The following MCTP2 variants were observed in gnomAD, a reference collection of about 807,000 sequenced individuals.
The protein encoded by MCTP2 is multiple C2 and transmembrane domain-containing protein 2.
MCTP2 carries 132 observed loss-of-function variants against 111.6 expected under a neutral mutation model. The observed-to-expected ratio is 1.18, with a 90% CI of 1.03 to 1.37. MCTP2 has a LOEUF of 1.37. Ranked by LOEUF, MCTP2 falls within the 40% of genes most tolerant of loss-of-function variation. MCTP2 has a pLI of 0.00. For synonymous variants in MCTP2, 395 were observed against 387.7 expected (o/e 1.02, Z -0.22); for missense variants, 1,183 against 1,067.9 (o/e 1.11, Z -1.50).
At chr15:94,448,231 G>C (rs968705539) in intron 19 of MCTP2, among the ~76,000 whole-genome samples, 12 of 152,118 alleles carry the variant, frequency 7.9e-5, no homozygotes, top group African/African-American at 2.9e-4. Context: ...TATCAGTCTG[G>C]CCTTCTGGAA....
intron 1 of MCTP2, among the ~76,000 whole-genome samples, chr15:94,281,121 T>C (rs1251457704): frequency 6.6e-6 from 1 of 152,158 alleles, no homozygotes; most frequent in Non-Finnish European, 1.5e-5. Context: ...CAAATATCTT[T>C]CTTAGTTTGG....
chr15:94,435,518 G>A (rs1006752263), intron 17 of MCTP2, among the ~76,000 whole-genome samples: 4 of 151,326 alleles, frequency 2.6e-5, no homozygotes, highest in Non-Finnish European at 4.4e-5. Context: ...TTTATACCAT[G>A]GACTTTGCTG....
intron 4 of MCTP2, among the ~76,000 whole-genome samples, chr15:94,322,171 T>C (rs552644944): frequency 6.6e-6 from 1 of 152,208 alleles, no homozygotes; most frequent in Non-Finnish European, 1.5e-5. Context: ...AAAACACGGA[T>C]CTAATTAATC....
intron 12 of MCTP2, among the ~76,000 whole-genome samples, chr15:94,379,544 A>G (rs985646232): frequency 6.6e-6 from 1 of 151,682 alleles, no homozygotes. Flanking sequence ...TATTGTATTG[A>G]CAGTCTAGGG....
chr15:94,253,334 C>G (rs930988532), intron 1 of MCTP2, among the ~76,000 whole-genome samples: 1 of 152,130 alleles, frequency 6.6e-6, no homozygotes, highest in African/African-American at 2.4e-5. Flanking sequence ...ATGGCTCTTG[C>G]TCCTCTTTCC....
chr15:94,232,985 T>C (rs8028795), intron 1 of MCTP2, among the ~76,000 whole-genome samples: 22,927 of 152,166 alleles, frequency 0.15, 1,920 homozygotes, highest in African/African-American at 0.22. Flanking sequence ...AGGAGTCCAG[T>C]AATTTGTACA....
chr15:94,396,249 G>A (rs532312803), intron 14 of MCTP2, among the ~76,000 whole-genome samples: 4 of 152,242 alleles, frequency 2.6e-5, no homozygotes, highest in Admixed American at 2.6e-4. Context: ...TAAATTGAAA[G>A]CTGTATTTTT....
chr15:94,396,763 G>A (rs746833729), intron 14 of MCTP2, among the ~76,000 whole-genome samples: 15 of 151,998 alleles, frequency 9.9e-5, no homozygotes, highest in Non-Finnish European at 1.9e-4. Context: ...AAAAGTGGAA[G>A]CAACTAAATG....
intron 19 of MCTP2, among the ~76,000 whole-genome samples, chr15:94,455,014 G>T (rs2084724754): frequency 6.6e-6 from 1 of 152,142 alleles, no homozygotes; most frequent in Non-Finnish European, 1.5e-5. Flanking sequence ...TAGAGACGGG[G>T]TTTTACCATG....
chr15:94,351,933 A>G (rs1278310368), intron 8 of MCTP2, among the ~76,000 whole-genome samples: 1 of 152,144 alleles, frequency 6.6e-6, no homozygotes, highest in African/African-American at 2.4e-5. Flanking sequence ...TGGGACAGAT[A>G]AGAGGCACCA....
chr15:94,432,161 AGTTTAGTAAG>A (rs1202408198), intron 17 of MCTP2, among the ~76,000 whole-genome samples: 1 of 151,994 alleles, frequency 6.6e-6, no homozygotes, highest in African/African-American at 2.4e-5. Context: ...TTAACCCAGG[AGTTTAGTAAG>A]GTTGGAGAGT....
intron 21 of MCTP2, among the ~76,000 whole-genome samples, chr15:94,472,420 T>C (rs1213736479): frequency 6.6e-6 from 1 of 152,144 alleles, no homozygotes; most frequent in Non-Finnish European, 1.5e-5. Flanking sequence ...AAATACTCTA[T>C]TTTCTCATTT....
At chr15:94,308,975 T>A (rs1336343782) in intron 2 of MCTP2, among the ~76,000 whole-genome samples, 1 of 152,206 alleles carries the variant, frequency 6.6e-6, no homozygotes, top group Non-Finnish European at 1.5e-5. Flanking sequence ...GATTAGACAG[T>A]CAATACAGCA....
intron 20 of MCTP2, among the ~76,000 whole-genome samples, chr15:94,465,608 C>G (rs2073208385): frequency 6.6e-6 from 1 of 152,204 alleles, no homozygotes; most frequent in Non-Finnish European, 1.5e-5. Flanking sequence ...CTGTACTTTT[C>G]TTTCAACCTG....
In MCTP2 at chr15:94,313,554, A is replaced by T. The variant is rs192131818; in HGVS notation, c.466-728A>T. ...TATCTCTACTAAAAATACAAAAATT[A>T]TCCAGGCGTTGTTACAGGTGCCTGT... is the stretch of plus-strand genomic sequence containing the variant. On this transcript the variant is annotated intron_variant, in intron 2 of 22. Transcript: ENST00000357742. 1.6e-3 allele frequency among the ~76,000 whole-genome samples: 247 copies of T among 152,190 alleles called. 3 individuals carry two copies. The highest frequency in any genetic ancestry group is 5.7e-3 in the African/African-American group (236 of 41,516).
chr15:94,302,962 A>G (rs1218009642), intron 2 of MCTP2, among the ~76,000 whole-genome samples: 1 of 151,538 alleles, frequency 6.6e-6, no homozygotes, highest in African/African-American at 2.4e-5. Context: ...GGCAAGGAGG[A>G]GCAAGTCATG....
At chr15:94,410,535 G>A (rs1284048329) in intron 17 of MCTP2, among the ~76,000 whole-genome samples, 3 of 150,486 alleles carry the variant, frequency 2.0e-5, no homozygotes, top group Non-Finnish European at 2.9e-5. Flanking sequence ...GTGAGACCCC[G>A]TCTCAAAAAA....
chr15:94,286,677 A>C (rs1366354662), intron 1 of MCTP2, among the ~76,000 whole-genome samples: 1 of 152,216 alleles, frequency 6.6e-6, no homozygotes, highest in Non-Finnish European at 1.5e-5. Flanking sequence ...TATGAGCTCA[A>C]TCAGAGATTT....
At chr15:94,394,284 C>G (rs2081163933) in intron 14 of MCTP2, among the ~76,000 whole-genome samples, 1 of 151,812 alleles carries the variant, frequency 6.6e-6, no homozygotes, top group Non-Finnish European at 1.5e-5. Context: ...TATCCTTCTG[C>G]TTGTATTGGA....
Sources: gnomAD v4.1 joint callset for allele counts (sites outside exome capture counted in the v4.1 genomes callset) on GRCh38, gnomAD v4.1.1 for gene constraint, MANE v1.5 for transcripts, NCBI Gene and HGNC (gene_info 2026-07-23, HGNC 2026-07-21) for gene names.